DENND5B: variants seen among roughly 807,000 people sequenced by gnomAD.
DENND5B encodes the protein DENN domain containing 5B.
In DENND5B, 34 loss-of-function variants were observed where a neutral mutation model predicts 140.6. That is an observed-to-expected ratio of 0.24 (90% CI 0.18 to 0.32). The LOEUF is 0.32. Among genes scored for constraint, DENND5B ranks in the 10% least tolerant of loss-of-function variants. The pLI is 1.00. For missense variants in DENND5B, 1,142 were observed against 1,560.2 expected, an observed-to-expected ratio of 0.73 and a Z score of 4.52; for synonymous variants, 551 against 562.1, an observed-to-expected ratio of 0.98 and a Z score of 0.28.
intron 2 of DENND5B, among the ~76,000 whole-genome samples, chr12:31,488,911 T>C (rs1007443681): frequency 2.0e-5 from 3 of 152,238 alleles, no homozygotes; most frequent in African/African-American, 7.2e-5. Flanking sequence ...GTAACCAGAT[T>C]ACTTTAGCCA....
At chr12:31,456,795 T>C (rs79430162) in intron 4 of DENND5B, among the ~76,000 whole-genome samples, 2 of 152,192 alleles carry the variant, frequency 1.3e-5, no homozygotes, top group African/African-American at 4.8e-5. Context: ...ATTTAAAATA[T>C]TCCCTCTGGG....
At chr12:31,388,240 T>C (rs915315206) in intron 20 of DENND5B, among the ~76,000 whole-genome samples, 1 of 150,918 alleles carries the variant, frequency 6.6e-6, no homozygotes, top group Admixed American at 6.6e-5. Context: ...TTTTTTTTTT[T>C]TTTTTTTTAA....
rs748373564 is a variant in DENND5B at position 31,423,683 on chromosome 12, T to C, written c.2392-8A>G. The stretch of plus-strand genomic sequence containing the variant: ...CCACAAAGCCGACTTCCCCTGAAAG[T>C]ACAAGATGTGTAAAAATTTCATAAG... On this transcript the variant is annotated splice_polypyrimidine_tract_variant and splice_region_variant and intron_variant, in intron 10 of 20. Transcript: ENST00000389082. The C allele has an allele frequency of 3.1e-6, 5 of 1,611,306 alleles. No homozygotes were observed. Among genetic ancestry groups the C allele is most frequent in the African/African-American group, 1.3e-5 (1 of 74,832 alleles).
chr12:31,423,547 G>A, intron 11 of DENND5B, 50 bp downstream of exon 11: 1 of 1,574,660 alleles, frequency 6.4e-7, no homozygotes, highest in South Asian at 1.1e-5. Flanking sequence ...AAATAGTATT[G>A]AGTCTTCTCA....
At chr12:31,556,053 C>A (rs1287687926) in intron 1 of DENND5B, among the ~76,000 whole-genome samples, 1 of 152,244 alleles carries the variant, frequency 6.6e-6, no homozygotes, top group African/African-American at 2.4e-5. Flanking sequence ...TGGTGCGCTG[C>A]ACCCACTGTC....
chr12:31,551,335 CTTGT>C (rs1022646427), intron 1 of DENND5B, among the ~76,000 whole-genome samples: 97 of 152,194 alleles, frequency 6.4e-4, no homozygotes, highest in African/African-American at 2.3e-3. Flanking sequence ...TTCCCCATTG[CTTGT>C]TTTTCTCAGG....
At chr12:31,565,409 G>A (rs372320800) in intron 1 of DENND5B, among the ~76,000 whole-genome samples, 1 of 152,142 alleles carries the variant, frequency 6.6e-6, no homozygotes, top group East Asian at 1.9e-4. Flanking sequence ...TTACACTCAC[G>A]TTGAGTCCTG....
At chr12:31,400,846 TTTTG>T (rs1027287258) in intron 15 of DENND5B, among the ~76,000 whole-genome samples, 4 of 24,552 alleles carry the variant, frequency 1.6e-4, no homozygotes, top group African/African-American at 2.3e-4. Context: ...AGTTTTTTTT[TTTTG>T]TTTTTTTTTT....
intron 9 of DENND5B, among the ~76,000 whole-genome samples, 181 bp downstream of exon 9, chr12:31,426,112 G>A (rs1943220239): frequency 6.6e-6 from 1 of 152,150 alleles, no homozygotes; most frequent in African/African-American, 2.4e-5. Context: ...TGATTCTGTG[G>A]GGAATGAAGA....
In DENND5B at chr12:31,385,882, TAGCC is replaced by T. The variant is rs1441200104; in HGVS notation, c.*1717_*1720del. 1 of 152,376 alleles carries T rather than the reference TAGCC, an allele frequency of 6.6e-6. No individual in the cohort carries two copies. Among genetic ancestry groups the T allele is most frequent in the Admixed American group, 6.5e-5 (1 of 15,268 alleles). 9.4% of individuals were successfully genotyped at this position (152,376 alleles called of 1,614,324 possible). A position where few individuals can be genotyped will look rare whatever the true frequency, so the allele number is the denominator to read the frequency against. On this transcript the variant is annotated 3_prime_UTR_variant, in exon 21 of 21. Transcript: ENST00000389082. ...TAGTAGAGACGGGGTTTCACGGTGT[TAGCC>T]AGGAGGGTCTCAATCTCCTGACCTT...
At chr12:31,572,325 GC>G (rs1176412177) in intron 1 of DENND5B, among the ~76,000 whole-genome samples, 1 of 151,964 alleles carries the variant, frequency 6.6e-6, no homozygotes, top group Non-Finnish European at 1.5e-5. Flanking sequence ...TAGCAAGAAT[GC>G]CCCCACGCAA....
intron 1 of DENND5B, among the ~76,000 whole-genome samples, chr12:31,561,559 A>AAT (rs1208074059): frequency 2.0e-5 from 3 of 152,166 alleles, no homozygotes; most frequent in East Asian, 3.8e-4. Context: ...TTACGTTTAA[A>AAT]ATATATATAT....
chr12:31,538,598 G>A (rs182218750), intron 1 of DENND5B, among the ~76,000 whole-genome samples: 18 of 152,306 alleles, frequency 1.2e-4, no homozygotes, highest in East Asian at 9.7e-4. Flanking sequence ...CAGGCGCAGT[G>A]GCTCACGCCT....
intron 2 of DENND5B, among the ~76,000 whole-genome samples, chr12:31,487,027 AT>A (rs1946335033): frequency 6.6e-6 from 1 of 152,244 alleles, no homozygotes; most frequent in Admixed American, 6.5e-5. Context: ...ATGGAATAAT[AT>A]ACCATTTGGG....
chr12:31,496,174 T>A (rs1009468623), intron 1 of DENND5B, among the ~76,000 whole-genome samples: 1 of 152,238 alleles, frequency 6.6e-6, no homozygotes, highest in Non-Finnish European at 1.5e-5. Context: ...TATGGTAATA[T>A]AATCATTGCT....
intron 1 of DENND5B, among the ~76,000 whole-genome samples, chr12:31,584,068 T>C (rs950972009): frequency 1.3e-5 from 2 of 152,242 alleles, no homozygotes; most frequent in East Asian, 1.9e-4. Context: ...TAACAATGCA[T>C]TGTATTCTAG....
chr12:31,585,757 C>T (rs1483330056), intron 1 of DENND5B, among the ~76,000 whole-genome samples: 4 of 152,176 alleles, frequency 2.6e-5, no homozygotes, highest in Admixed American at 6.5e-5. Flanking sequence ...TGGTCTCCAC[C>T]GTCTCTACGC....
intron 11 of DENND5B, chr12:31,419,975 G>GAAAAAAAAAA (rs760912263): frequency 1.4e-6 from 1 of 696,462 alleles, no homozygotes; most frequent in African/African-American, 3.0e-5. Flanking sequence ...CTCCATCTCA[G>GAAAAAAAAAA]AAAAAAAAAA....
chr12:31,439,486 CTT>C (rs10712521), intron 7 of DENND5B, among the ~76,000 whole-genome samples: 3 of 150,642 alleles, frequency 2.0e-5, no homozygotes, highest in East Asian at 1.9e-4. Context: ...TATTAGGTTC[CTT>C]TTTTTTTTGT....
Sources: allele counts gnomAD v4.1 joint callset (sites outside exome capture counted in the v4.1 genomes callset), GRCh38; gene constraint gnomAD v4.1.1; transcripts MANE v1.5; gene names NCBI Gene and HGNC (gene_info 2026-07-23, HGNC 2026-07-21).